Variants in KIAA1217 observed in about 807,000 individuals in gnomAD.
The protein encoded by KIAA1217 is sickle tail protein homolog.
In KIAA1217, 88 loss-of-function variants were observed where a neutral mutation model predicts 163.9. The observed-to-expected ratio is 0.54, with a 90% confidence interval of 0.45 to 0.64. The LOEUF is 0.64. KIAA1217 is among the 30% of genes least tolerant of loss of function. KIAA1217 has a pLI of 0.00. For missense variants in KIAA1217, 2,372 were observed against 2,475.0 expected, an observed-to-expected ratio of 0.96 and a Z score of 0.88; for synonymous variants, 903 against 923.1, an observed-to-expected ratio of 0.98 and a Z score of 0.39.
intron 2 of KIAA1217, among the ~76,000 whole-genome samples, chr10:24,201,430 A>G (rs1290706106): frequency 1.3e-5 from 2 of 152,162 alleles, no homozygotes; most frequent in Non-Finnish European, 1.5e-5. Context: ...AAATTTTGCA[A>G]AAGGGAGTGT....
intron 3 of KIAA1217, among the ~76,000 whole-genome samples, chr10:24,407,347 A>G (rs183090821): frequency 8.9e-4 from 136 of 152,164 alleles, no homozygotes; most frequent in African/African-American, 3.2e-3. Context: ...CGGCTGGAGT[A>G]TAATAGTACC....
chr10:23,891,411 C>T (rs1841410241), intron 1 of KIAA1217, among the ~76,000 whole-genome samples: 1 of 151,944 alleles, frequency 6.6e-6, no homozygotes, highest in Admixed American at 6.6e-5. Flanking sequence ...GTGGACCACA[C>T]ACGTTTAAAC....
chr10:23,734,661 T>C (rs1240213092), intron 1 of KIAA1217, among the ~76,000 whole-genome samples: 1 of 152,178 alleles, frequency 6.6e-6, no homozygotes, highest in Non-Finnish European at 1.5e-5. Flanking sequence ...TTTTGGATTT[T>C]TTTAAAAAAT....
At chr10:24,114,813 C>T (rs758763398) in intron 2 of KIAA1217, among the ~76,000 whole-genome samples, 2 of 152,222 alleles carry the variant, frequency 1.3e-5, no homozygotes, top group Non-Finnish European at 2.9e-5. Flanking sequence ...TCAATCCTGA[C>T]AAGAGCCTCG....
At chr10:23,881,743 A>G (rs1189324358) in intron 1 of KIAA1217, among the ~76,000 whole-genome samples, 1 of 151,936 alleles carries the variant, frequency 6.6e-6, no homozygotes, top group Admixed American at 6.6e-5. Flanking sequence ...CAGCTTGGAT[A>G]TGTTGCTCCA....
intron 2 of KIAA1217, among the ~76,000 whole-genome samples, chr10:24,041,976 C>T (rs1238168673): frequency 6.6e-6 from 1 of 151,936 alleles, no homozygotes; most frequent in Non-Finnish European, 1.5e-5. Context: ...TTCATATTCC[C>T]TATTGCAGCA....
chr10:23,918,733 T>TATATATAC (rs769797460), intron 1 of KIAA1217, among the ~76,000 whole-genome samples: 2,558 of 147,558 alleles, frequency 0.017, 26 homozygotes, highest in South Asian at 0.034. Flanking sequence ...ATTAAATATA[T>TATATATAC]ACACACACAC....
intron 2 of KIAA1217, among the ~76,000 whole-genome samples, chr10:24,335,584 T>TTTTATTTATTTATTTATTTATTTATTTA (rs58982993): frequency 7.2e-6 from 1 of 138,398 alleles, no homozygotes; most frequent in Non-Finnish European, 1.5e-5. Context: ...TTTTATCTTA[T>TTTTATTTATTTATTTATTTATTTATTTA]TTTATTTATT....
chr10:23,978,670 C>A (rs1014588454), intron 1 of KIAA1217, among the ~76,000 whole-genome samples: 1 of 151,986 alleles, frequency 6.6e-6, no homozygotes, highest in Non-Finnish European at 1.5e-5. Context: ...ACCCTATACA[C>A]AATCTTTATA....
rs552884022 is a variant in KIAA1217, at chr10:24,431,895, C to T, written c.554-1100C>T. Among the ~76,000 whole-genome samples, 5 of 152,126 alleles carry T rather than the reference C, an allele frequency of 3.3e-5. No individual in the cohort carries two copies. In the East Asian group the frequency reaches 9.7e-4, roughly 29 times the overall value. On this transcript the variant is annotated intron_variant, in intron 3 of 20. Transcript: ENST00000376454. ...TTTTATTTCTGAAACATTGAGGTGC[C>T]AGATTCTAGCACGATATGAACATTC...
At chr10:24,161,905 G>T (rs181364981) in intron 2 of KIAA1217, among the ~76,000 whole-genome samples, 3 of 152,316 alleles carry the variant, frequency 2.0e-5, no homozygotes, top group African/African-American at 7.2e-5. Flanking sequence ...GATAAGAAAT[G>T]ATACGAGCTA....
At chr10:23,770,814 A>T (rs917744500) in intron 1 of KIAA1217, among the ~76,000 whole-genome samples, 1 of 152,130 alleles carries the variant, frequency 6.6e-6, no homozygotes, top group Non-Finnish European at 1.5e-5. Flanking sequence ...TGTTTTTCCA[A>T]TGTTATGGAA....
rs143341976 is a variant in KIAA1217, at chr10:23,937,272, A to G, written c.-320-69953A>G. ...GGAGTGAGGGAGGAGCGCACCTACT[A>G]TGACTGAAAAATGGTGTTCAAAATC... On this transcript the variant is annotated intron_variant, in intron 1 of 18. Coordinates refer to the KIAA1217 transcript ENST00000376462. 7.7e-4 allele frequency among the ~76,000 whole-genome samples: 117 copies of G among 152,274 alleles called. 1 individual carries two copies. The highest frequency in any genetic ancestry group is 2.8e-3 in the African/African-American group (115 of 41,556).
At chr10:23,925,318 G>A (rs1050202497) in intron 1 of KIAA1217, among the ~76,000 whole-genome samples, 1 of 152,134 alleles carries the variant, frequency 6.6e-6, no homozygotes, top group African/African-American at 2.4e-5. Context: ...TACTAAGCCA[G>A]TGCCAGGCCC....
chr10:23,791,154 G>T (rs1049401731), intron 1 of KIAA1217, among the ~76,000 whole-genome samples: 1 of 152,100 alleles, frequency 6.6e-6, no homozygotes, highest in Admixed American at 6.6e-5. Flanking sequence ...TGTTAATTTG[G>T]TTTATTGCTA....
intron 1 of KIAA1217, among the ~76,000 whole-genome samples, chr10:23,847,750 T>G (rs1361609298): frequency 6.6e-6 from 1 of 152,180 alleles, no homozygotes; most frequent in Non-Finnish European, 1.5e-5. Context: ...CTTTCTTGTC[T>G]TCTGCTGGTT....
intron 16 of KIAA1217, among the ~76,000 whole-genome samples, chr10:24,534,463 C>T (rs1222321354): frequency 1.3e-5 from 2 of 152,126 alleles, no homozygotes; most frequent in Admixed American, 6.5e-5. Flanking sequence ...TTTGTTGCAG[C>T]CACTTACAGC....
chr10:24,376,961 G>A (rs1240191883), intron 2 of KIAA1217, among the ~76,000 whole-genome samples: 1 of 152,178 alleles, frequency 6.6e-6, no homozygotes, highest in East Asian at 1.9e-4. Flanking sequence ...ACTTGATACA[G>A]AGCAGCAGGC....
intron 1 of KIAA1217, among the ~76,000 whole-genome samples, chr10:23,813,994 A>G (rs1293304973): frequency 1.3e-5 from 2 of 152,220 alleles, no homozygotes; most frequent in Admixed American, 6.5e-5. Context: ...TCAGGAAGTC[A>G]TAAGTTCTGA....
Sources: gnomAD v4.1 joint callset for allele counts (sites outside exome capture counted in the v4.1 genomes callset) on GRCh38, gnomAD v4.1.1 for gene constraint, MANE v1.5 for transcripts, NCBI Gene and HGNC (gene_info 2026-07-23, HGNC 2026-07-21) for gene names.